CTNNA2: variants seen among roughly 807,000 people sequenced by gnomAD.
CTNNA2 encodes catenin alpha-2.
In CTNNA2, 42 loss-of-function variants were observed where a neutral mutation model predicts 101.0. The ratio of observed to expected loss-of-function variants is 0.42; its 90% confidence interval spans 0.32 to 0.54. The LOEUF (loss-of-function observed/expected upper bound fraction) is 0.54, where lower values mean the gene tolerates loss of function less well. Among genes scored for constraint, CTNNA2 ranks in the 20% least tolerant of loss-of-function variants. The probability of loss-of-function intolerance (pLI) is 0.14; values close to 1 mark genes in which losing one functional copy is unlikely to be tolerated. For missense variants in CTNNA2, 871 were observed against 1,223.1 expected (o/e 0.71, Z 4.29); for synonymous variants, 450 against 456.4 (o/e 0.99, Z 0.18).
chr2:80,445,155 G>T (rs1306560416), intron 9 of CTNNA2, among the ~76,000 whole-genome samples: 2 of 151,800 alleles, frequency 1.3e-5, no homozygotes, highest in Admixed American at 1.3e-4. Context: ...GTGTTTTTTT[G>T]TTTGTTTGTT....
chr2:80,313,811 G>A (rs182607291), intron 7 of CTNNA2, among the ~76,000 whole-genome samples: 1 of 152,322 alleles, frequency 6.6e-6, no homozygotes, highest in East Asian at 1.9e-4. Flanking sequence ...TGAAAGCAAT[G>A]AGAGCAGTTG....
chr2:79,983,136 A>G (rs765691302), intron 7 of CTNNA2, among the ~76,000 whole-genome samples: 2 of 148,560 alleles, frequency 1.3e-5, no homozygotes, highest in Admixed American at 6.8e-5. Context: ...ATATATGTGT[A>G]TATATATATA....
chr2:79,475,055 G>C (rs1488400983), intron 4 of CTNNA2, among the ~76,000 whole-genome samples: 1 of 152,044 alleles, frequency 6.6e-6, no homozygotes, highest in African/African-American at 2.4e-5. Flanking sequence ...ATACTACATA[G>C]AACAAAAGTT....
chr2:80,486,220 T>C (rs1186016110), intron 9 of CTNNA2, among the ~76,000 whole-genome samples: 1 of 152,172 alleles, frequency 6.6e-6, no homozygotes, highest in African/African-American at 2.4e-5. Context: ...AGTGCTGCAC[T>C]AGATAGTGTG....
intron 9 of CTNNA2, among the ~76,000 whole-genome samples, chr2:80,479,268 C>A (rs997387153): frequency 1.3e-5 from 2 of 152,024 alleles, no homozygotes; most frequent in Non-Finnish European, 2.9e-5. Context: ...GGACAGCTGG[C>A]AATGTCTAGG....
At chr2:79,281,261 C>G (rs1675373571) in intron 2 of CTNNA2, among the ~76,000 whole-genome samples, 1 of 152,144 alleles carries the variant, frequency 6.6e-6, no homozygotes, top group Admixed American at 6.5e-5. Context: ...ATCTGGAAAT[C>G]TGCATCTTGA....
At chr2:80,536,764 A>G (rs993044311) in intron 9 of CTNNA2, among the ~76,000 whole-genome samples, 4 of 152,310 alleles carry the variant, frequency 2.6e-5, no homozygotes, top group Admixed American at 2.6e-4. Context: ...TTCAAACAAG[A>G]CTGTGGCTCT....
chr2:79,840,531 A>G (rs1318802519), intron 3 of CTNNA2, among the ~76,000 whole-genome samples: 1 of 152,164 alleles, frequency 6.6e-6, no homozygotes, highest in Non-Finnish European at 1.5e-5. Flanking sequence ...AGGTGTTTGG[A>G]GACTTTTTAA....
intron 7 of CTNNA2, among the ~76,000 whole-genome samples, chr2:80,154,611 G>A (rs1281497128): frequency 6.6e-6 from 1 of 152,098 alleles, no homozygotes; most frequent in Non-Finnish European, 1.5e-5. Context: ...TGGGTATTTT[G>A]TGTTTGTCAG....
chr2:79,865,781 G>A (rs1264207591), intron 4 of CTNNA2, among the ~76,000 whole-genome samples: 3 of 152,194 alleles, frequency 2.0e-5, no homozygotes, highest in African/African-American at 7.2e-5. Context: ...GTGCAGTGGC[G>A]CGATCTCGGC....
chr2:80,517,360 G>C (rs894886385), intron 9 of CTNNA2, among the ~76,000 whole-genome samples: 15 of 152,166 alleles, frequency 9.9e-5, no homozygotes, highest in Non-Finnish European at 1.8e-4. Context: ...ATTTGCTCAG[G>C]GGCACTGCAA....
At chr2:79,418,027 G>C (rs995544003) in intron 4 of CTNNA2, among the ~76,000 whole-genome samples, 7 of 152,090 alleles carry the variant, frequency 4.6e-5, no homozygotes, top group African/African-American at 1.7e-4. Context: ...GGGGTAGGCG[G>C]ATAGGGTATG....
At chr2:79,217,305 A>C (rs974119212) in intron 2 of CTNNA2, among the ~76,000 whole-genome samples, 1 of 152,194 alleles carries the variant, frequency 6.6e-6, no homozygotes, top group Admixed American at 6.5e-5. Context: ...CACGGCACCA[A>C]ATTTCATGTG....
chr2:79,272,069 C>CTATG (rs1253409072), intron 2 of CTNNA2, among the ~76,000 whole-genome samples: 1 of 152,044 alleles, frequency 6.6e-6, no homozygotes, highest in Non-Finnish European at 1.5e-5. Context: ...TGAAGGCCAA[C>CTATG]TATGCCTTAG....
chr2:80,305,022 G>C (rs55815888), intron 7 of CTNNA2: 242,265 of 969,936 alleles, frequency 0.25, 35,694 homozygotes, highest in African/African-American at 0.63. Flanking sequence ...TCTCCCCCTT[G>C]CCTTTTGGGG....
intron 7 of CTNNA2, among the ~76,000 whole-genome samples, chr2:79,958,979 T>G (rs970621182): frequency 3.3e-5 from 5 of 152,178 alleles, no homozygotes; most frequent in African/African-American, 9.6e-5. Context: ...TATTTGGCAT[T>G]TCTCTCTAAA....
Position 79,776,782 on chromosome 2 carries a change from A to T in CTNNA2, c.298+32200A>T, listed in dbSNP as rs531296159. 5.9e-5 allele frequency among the ~76,000 whole-genome samples: 9 copies of T among 152,318 alleles called. No individual in the cohort carries two copies. In the South Asian group the frequency reaches 1.7e-3, roughly 28 times the overall value. On this transcript the variant is annotated intron_variant, in intron 3 of 18. Transcript: ENST00000402739. ...TTCCTAATTATGGAGCCTAGGAGAT[A>T]AAAGTATTAGCTTAATCTCTAACCC...
intron 7 of CTNNA2, among the ~76,000 whole-genome samples, chr2:80,126,445 T>C (rs939841190): frequency 6.7e-6 from 1 of 149,224 alleles, no homozygotes; most frequent in Non-Finnish European, 1.5e-5. Flanking sequence ...ATCTCTTACC[T>C]CCAACTCCTA....
At chr2:80,200,621 C>A (rs189689000) in intron 7 of CTNNA2, among the ~76,000 whole-genome samples, 14 of 152,226 alleles carry the variant, frequency 9.2e-5, no homozygotes, top group Admixed American at 9.2e-4. Context: ...CTGCAATCTC[C>A]ACCTCCTGGG....
Sources: allele counts gnomAD v4.1 joint callset (sites outside exome capture counted in the v4.1 genomes callset), GRCh38; gene constraint gnomAD v4.1.1; transcripts MANE v1.5; gene names NCBI Gene and HGNC (gene_info 2026-07-23, HGNC 2026-07-21).